The following GSDMC variants were observed in gnomAD, a reference collection of about 807,000 sequenced individuals.
GSDMC encodes gasdermin C.
Under a neutral mutation model 58.0 loss-of-function variants are expected in GSDMC, and 59 were observed. The ratio of observed to expected loss-of-function variants is 1.02; its 90% confidence interval spans 0.82 to 1.26. The LOEUF (loss-of-function observed/expected upper bound fraction) is 1.26, where lower values mean the gene tolerates loss of function less well. Among genes scored for constraint, GSDMC ranks in the 50% most tolerant of loss-of-function variants. The pLI is 0.00. For missense variants in GSDMC, 659 were observed against 598.5 expected (o/e 1.10, Z -1.06); for synonymous variants, 241 against 220.2 (o/e 1.09, Z -0.83).
chr8:129,708,222 T>G, the GSDMC span, among the ~76,000 whole-genome samples: 1 of 152,210 alleles, frequency 6.6e-6, no homozygotes, highest in African/African-American at 2.4e-5. Flanking sequence ...AAGCCGGCTC[T>G]GCTTAGAGGG....
At position 129,777,543 on chromosome 8, in the gene GSDMC, C is replaced by T. The variant is rs2034277198; in HGVS notation, c.45G>A (p.Glu15=). Residue 15 remains glutamate, a synonymous_variant, in exon 2 of 14, where the codon GAG becomes GAA. Coordinates refer to ENST00000276708, the MANE Select transcript of GSDMC (RefSeq NM_031415.3). ...CAGGTGTCAGGTCTTTGCTTCCAAT[C>T]TCTTTGACCAAATTTTTGCTAATGC... ...LERISKNLVK[E]IGSKDLTPVK... The T allele has an allele frequency of 8.7e-6, 14 of 1,613,208 alleles. No homozygotes were observed. The highest frequency in any genetic ancestry group is 1.3e-5 in the African/African-American group (1 of 75,010).
chr8:129,750,289 GCCCGGCACCAGAGT>G, intron 11 of GSDMC, 128 bp downstream of exon 11: 1 of 1,051,790 alleles, frequency 9.5e-7, no homozygotes, highest in Non-Finnish European at 1.4e-6. Context: ...GGCCCATTGT[GCCCGGCACCAGAGT>G]CCCCAGTCTT....
the GSDMC span, among the ~76,000 whole-genome samples, chr8:129,732,094 C>G: frequency 6.6e-6 from 1 of 152,106 alleles, no homozygotes; most frequent in Non-Finnish European, 1.5e-5. Flanking sequence ...TAAGAGGTCA[C>G]TGGGCCACAA....
the GSDMC span, among the ~76,000 whole-genome samples, chr8:129,741,129 CT>C: frequency 6.6e-6 from 1 of 152,146 alleles, no homozygotes; most frequent in South Asian, 2.1e-4. Context: ...ATTCTTGGCA[CT>C]TTTGTTGAAA....
intron 4 of GSDMC, among the ~76,000 whole-genome samples, chr8:129,763,195 G>A (rs1307631799): frequency 6.6e-6 from 1 of 152,050 alleles, no homozygotes; most frequent in Non-Finnish European, 1.5e-5. Flanking sequence ...AGGAGATGGG[G>A]GACACATTTT....
At chr8:129,714,539 A>G in the GSDMC span, among the ~76,000 whole-genome samples, 1 of 152,232 alleles carries the variant, frequency 6.6e-6, no homozygotes, top group Admixed American at 6.5e-5. Context: ...GTTGTCATCT[A>G]TCTATAGCAA....
chr8:129,770,998 C>T (rs1316944550), intron 3 of GSDMC, among the ~76,000 whole-genome samples: 1 of 150,456 alleles, frequency 6.6e-6, no homozygotes, highest in African/African-American at 2.4e-5. Flanking sequence ...TACACAGACA[C>T]ACACGCAGAC....
At chr8:129,732,816 T>C in the GSDMC span, among the ~76,000 whole-genome samples, 1 of 152,086 alleles carries the variant, frequency 6.6e-6, no homozygotes, top group African/African-American at 2.4e-5. Context: ...GGTTGGACAG[T>C]GGGTGCAGCC....
At chr8:129,762,575 G>T in intron 5 of GSDMC, 51 bp downstream of exon 5, 1 of 1,061,486 alleles carries the variant, frequency 9.4e-7, no homozygotes, top group Non-Finnish European at 1.5e-6. Context: ...CATAGGAGAA[G>T]CAGACACCCC....
chr8:129,778,084 T>C (rs2034298624), intron 1 of GSDMC, among the ~76,000 whole-genome samples: 1 of 152,168 alleles, frequency 6.6e-6, no homozygotes, highest in Non-Finnish European at 1.5e-5. Context: ...TATGTTAAGA[T>C]GATATGAGTA....
chr8:129,785,730 T>C (rs2034537783), intron 1 of GSDMC, among the ~76,000 whole-genome samples: 1 of 145,374 alleles, frequency 6.9e-6, no homozygotes, highest in South Asian at 2.2e-4. Context: ...TTCAATTCTC[T>C]GATATGGGCC....
At chr8:129,756,628 A>C (rs2033450027) in intron 6 of GSDMC, among the ~76,000 whole-genome samples, 1 of 152,200 alleles carries the variant, frequency 6.6e-6, no homozygotes, top group East Asian at 1.9e-4. Context: ...CACATGGATC[A>C]TTCTCAATGA....
chr8:129,774,787 C>CA (rs2034171137), intron 3 of GSDMC, among the ~76,000 whole-genome samples: 1 of 151,850 alleles, frequency 6.6e-6, no homozygotes, highest in Non-Finnish European at 1.5e-5. Flanking sequence ...ATATTTTCTC[C>CA]AAAAAAAGAC....
At chr8:129,765,980 A>G (rs1006316217) in intron 3 of GSDMC, among the ~76,000 whole-genome samples, 187 bp from the exon 4 acceptor site, 13 of 152,272 alleles carry the variant, frequency 8.5e-5, no homozygotes, top group Middle Eastern at 3.4e-3. Flanking sequence ...GGAGATCCCA[A>G]TGATGGTGGT....
intron 13 of GSDMC, among the ~76,000 whole-genome samples, 196 bp from the exon 14 acceptor site, chr8:129,748,936 A>G (rs4144737): frequency 0.53 from 80,901 of 152,010 alleles, 23,536 homozygotes; most frequent in African/African-American, 0.76. Context: ...CATTGGTTCC[A>G]CATCTATGAA....
intron 3 of GSDMC, among the ~76,000 whole-genome samples, chr8:129,772,613 G>T (rs904733439): frequency 2.6e-5 from 4 of 152,104 alleles, no homozygotes; most frequent in African/African-American, 9.7e-5. Context: ...CACAAGTAAG[G>T]TGATTAAATC....
chr8:129,766,274 C>T (rs1586600039), intron 3 of GSDMC, among the ~76,000 whole-genome samples: 1 of 152,146 alleles, frequency 6.6e-6, no homozygotes, highest in Admixed American at 6.5e-5. Flanking sequence ...ATTTCATGAC[C>T]GTTACGGATT....
chr8:129,758,542 A>T (rs543065138), intron 6 of GSDMC, among the ~76,000 whole-genome samples: 2 of 152,230 alleles, frequency 1.3e-5, no homozygotes, highest in Non-Finnish European at 2.9e-5. Flanking sequence ...AATTCAACAT[A>T]CAAAAATCAG....
downstream of GSDMC, among the ~76,000 whole-genome samples, chr8:129,745,897 G>A (rs558792200): frequency 7.4e-5 from 8 of 107,498 alleles, no homozygotes; most frequent in African/African-American, 2.4e-4. Flanking sequence ...CCCTCCTGCC[G>A]TTCTACATGC....
Sources: allele counts gnomAD v4.1 joint callset (sites outside exome capture counted in the v4.1 genomes callset), GRCh38; gene constraint gnomAD v4.1.1; transcripts MANE v1.5; gene names NCBI Gene and HGNC (gene_info 2026-07-23, HGNC 2026-07-21).